CMTM1: variants seen among roughly 807,000 people sequenced by gnomAD.
The protein encoded by CMTM1 is CKLF-like MARVEL transmembrane domain-containing protein 1.
Under a neutral mutation model 17.8 loss-of-function variants are expected in CMTM1, and 16 were observed. The ratio of observed to expected loss-of-function variants is 0.90; its 90% CI spans 0.61 to 1.37. The LOEUF is 1.37. Among genes scored for constraint, CMTM1 ranks in the 40% most tolerant of loss-of-function variants. The pLI, the probability that CMTM1 is intolerant of heterozygous loss-of-function variation, is 0.00. For synonymous variants in CMTM1, 169 were observed against 154.6 expected (o/e 1.09, Z -0.69); for missense variants, 354 against 375.6 (o/e 0.94, Z 0.47).
intron 1 of CMTM1, among the ~76,000 whole-genome samples, chr16:66,568,665 T>A (rs1353971398): frequency 6.6e-6 from 1 of 152,126 alleles, no homozygotes; most frequent in African/African-American, 2.4e-5. Context: ...GGTAGGCAGA[T>A]AACCTCAGTC....
At chr16:66,567,271 T>C (rs1339207004) in intron 1 of CMTM1, 2 of 408,248 alleles carry the variant, frequency 4.9e-6, no homozygotes, top group African/African-American at 2.0e-5. Context: ...ACTCGTCACC[T>C]ACATTAGGTA....
intron 3 of CMTM1, among the ~76,000 whole-genome samples, chr16:66,578,471 T>C (rs2144690965): frequency 6.6e-6 from 1 of 152,268 alleles, no homozygotes; most frequent in South Asian, 2.1e-4. Context: ...AGGAACTCCT[T>C]CCTGCCCTTT....
rs767727556 is a variant in CMTM1, at chr16:66,566,953, G to C, written c.432+8G>C. 6.2e-6 allele frequency: 10 copies of C among 1,613,954 alleles called. No individual in the cohort carries two copies. In the South Asian group the frequency reaches 1.1e-4, roughly 18 times the overall value. On this transcript the variant is annotated splice_region_variant and intron_variant, in intron 1 of 3. Transcript: ENST00000379500. This position sits in a 1 kb window ranked among gnomAD's most constrained non-coding sequence, Gnocchi z 4.9. ...TTGAAGATCCTGAGACTGGTGAGCGGAGAGCTGGTGAGACCTAGCTGGGCG... is the reference window on the plus strand; with the variant it reads ...TTGAAGATCCTGAGACTGGTGAGCGCAGAGCTGGTGAGACCTAGCTGGGCG...
chr16:66,575,235 G>T lies in CMTM1; in HGVS notation c.592-1869G>T, dbSNP rs527621129. The T allele has an allele frequency of 1.1e-5, 11 of 984,750 alleles. No homozygotes were observed. The East Asian group carries it at 6.8e-4, about 61-fold the overall frequency. The allele number at this position is 984,750 out of a possible 1,614,324, so 61.0% of individuals were successfully genotyped here. On this transcript the variant is annotated intron_variant, in intron 2 of 3. Transcript: ENST00000379500. Reference sequence around the variant, plus strand: ...ACTATCTGTTAACATTTTGAGGGCAGATATGAACCTACATTTTGATGCACT... The same window carrying T: ...ACTATCTGTTAACATTTTGAGGGCATATATGAACCTACATTTTGATGCACT...
chr16:66,577,000 G>C lies in CMTM1; in HGVS notation c.592-104G>C. On this transcript the variant is annotated intron_variant, in intron 2 of 3. Transcript: ENST00000379500. ...TCCTCCTCATCTTAATCAAATGGAA[G>C]GTTTTTTAAAGGCATCTATTCTTAG... 3 of 961,990 alleles carry C rather than the reference G, an allele frequency of 3.1e-6. No homozygotes were observed. In the South Asian group the frequency reaches 5.4e-5, roughly 17 times the overall value. The allele number at this position is 961,990 out of a possible 1,614,324, so 59.6% of individuals were successfully genotyped here.
At chr16:66,577,236 C>A (rs1465955965) in intron 3 of CMTM1, 34 bp downstream of exon 3, 1 of 1,563,814 alleles carries the variant, frequency 6.4e-7, no homozygotes, top group South Asian at 1.1e-5. Context: ...CATTTAAGAT[C>A]AGTATTCCAA....
At chr16:66,569,411 G>A (rs1351849403) in intron 1 of CMTM1, among the ~76,000 whole-genome samples, 1 of 152,222 alleles carries the variant, frequency 6.6e-6, no homozygotes, top group African/African-American at 2.4e-5. Flanking sequence ...ATAACTTAGA[G>A]TACTAGAGAA....
intron 1 of CMTM1, 58 bp from the exon 2 acceptor site, chr16:66,569,878 G>T: frequency 7.6e-7 from 1 of 1,312,104 alleles, no homozygotes; most frequent in South Asian, 1.4e-5. Flanking sequence ...TTTACATTCT[G>T]ACAATGTAGA....
intron 3 of CMTM1, among the ~76,000 whole-genome samples, chr16:66,577,729 G>C (rs1308156007): frequency 1.3e-5 from 2 of 152,212 alleles, no homozygotes; most frequent in African/African-American, 4.8e-5. Context: ...CATTTGTACA[G>C]ATATAGGAAC....
At chr16:66,568,703 T>C (rs1367848957) in intron 1 of CMTM1, among the ~76,000 whole-genome samples, 1 of 152,078 alleles carries the variant, frequency 6.6e-6, no homozygotes, top group Admixed American at 6.5e-5. Flanking sequence ...CTGGCCAATA[T>C]GGTGAAACCC....
rs2144575486 is a variant in CMTM1 at position 66,566,446 on chromosome 16, T to C, written c.-68T>C. ...GCCAACAGCCGTTGGGACGCGACGCTGGTTCCCAGGGGAGAGCCAGCCGCT... is the reference window on the plus strand; with the variant it reads ...GCCAACAGCCGTTGGGACGCGACGCCGGTTCCCAGGGGAGAGCCAGCCGCT... On this transcript the variant is annotated 5_prime_UTR_variant, in exon 1 of 4. Coordinates refer to ENST00000379500, the MANE Select transcript of CMTM1 (RefSeq NM_052999.4). This position sits in a 1 kb window ranked among gnomAD's most constrained non-coding sequence, Gnocchi z 4.9. 2 of 1,491,382 alleles carry C rather than the reference T, an allele frequency of 1.3e-6. No individual in the cohort carries two copies. The highest frequency in any genetic ancestry group is 1.8e-6 in the Non-Finnish European group (2 of 1,121,550). The allele number at this position is 1,491,382 out of a possible 1,614,324, so 92.4% of individuals were successfully genotyped here.
intron 2 of CMTM1, 68 bp from the exon 3 acceptor site, chr16:66,577,036 G>T: frequency 7.0e-7 from 1 of 1,421,576 alleles, no homozygotes; most frequent in South Asian, 1.2e-5. Context: ...ATGTGTAATT[G>T]ACCAGTTTAA....
Position 66,566,623 on chromosome 16 carries a change from T to C in CMTM1, c.110T>C (p.Val37Ala), listed in dbSNP as rs1045700615. The C allele has an allele frequency of 1.9e-5, 30 of 1,613,926 alleles. No homozygotes were observed. The highest frequency in any genetic ancestry group is 2.5e-5 in the Non-Finnish European group (30 of 1,180,006). The stretch of plus-strand genomic sequence containing the variant: ...AGTAGCGGCAGCGTAGTGAGTTCTG[T>C]ACCCAAGGCACAGCGCAACATCTCA... ...LASSGSVVSS[V>A]PKAQRNISAK... Residue 37 changes from valine (V) to alanine (A), a missense_variant, in exon 1 of 4, where the codon GTA becomes GCA. Val to Ala is a moderately conservative substitution (Grantham distance 64). Coordinates refer to ENST00000379500, the MANE Select transcript of CMTM1 (RefSeq NM_052999.4). The surrounding 1 kb of genome is among the most constrained non-coding windows in gnomAD (Gnocchi z 4.9).
intron 1 of CMTM1, among the ~76,000 whole-genome samples, chr16:66,569,563 C>T (rs1325677442): frequency 1.3e-5 from 2 of 152,192 alleles, no homozygotes; most frequent in Non-Finnish European, 2.9e-5. Flanking sequence ...TAATCAGCAG[C>T]TGTTTGGAAA....
At position 66,566,594 on chromosome 16, in the gene CMTM1, G is replaced by A; in HGVS notation, c.81G>A (p.Leu27=). The A allele has an allele frequency of 1.2e-6, 2 of 1,614,038 alleles. No homozygotes were observed. The highest frequency in any genetic ancestry group is 2.7e-5 in the African/African-American group (2 of 75,010). The stretch of plus-strand genomic sequence containing the variant: ...AACAACCGGAGACTGCCGCAGCCCT[G>A]GCAAGTAGCGGCAGCGTAGTGAGTT... ...NLKQPETAAA[L]ASSGSVVSSV... The change falls in exon 1 of 4, where the codon CTG becomes CTA. Residue 27 remains leucine, a synonymous_variant. Coordinates refer to ENST00000379500, the MANE Select transcript of CMTM1 (RefSeq NM_052999.4). The surrounding 1 kb of genome is among the most constrained non-coding windows in gnomAD (Gnocchi z 4.9).
In CMTM1 at chr16:66,579,133, G is replaced by C. The variant is rs2014641072; in HGVS notation, c.*132G>C. ...AAATTAGGGCTGCTGCTTTTATCGAGAACACCTGCTTCCTCTCGTTGCCTT... is the reference window on the plus strand; with the variant it reads ...AAATTAGGGCTGCTGCTTTTATCGACAACACCTGCTTCCTCTCGTTGCCTT... On this transcript the variant is annotated 3_prime_UTR_variant, in exon 4 of 4. Coordinates refer to ENST00000379500, the MANE Select transcript of CMTM1 (RefSeq NM_052999.4). The surrounding 1 kb of genome is among the most constrained non-coding windows in gnomAD (Gnocchi z 6.5). 8.2e-7 allele frequency: 1 copy of C among 1,222,020 alleles called. No individual in the cohort carries two copies. The allele number at this position is 1,222,020 out of a possible 1,614,324, so 75.7% of individuals were successfully genotyped here.
chr16:66,574,044 A>G (rs1304487987), intron 2 of CMTM1, among the ~76,000 whole-genome samples: 1 of 151,376 alleles, frequency 6.6e-6, no homozygotes, highest in Admixed American at 6.6e-5. Flanking sequence ...AGCACTCACC[A>G]TTAAGGCATC....
chr16:66,578,847 C>T lies in CMTM1; in HGVS notation c.707C>T (p.Ala236Val), dbSNP rs762146712. Residue 236 changes from alanine (A) to valine (V), a missense_variant, in exon 4 of 4, where the codon GCG becomes GTG. By Grantham distance (64) the Ala-to-Val change is moderately conservative. Coordinates refer to ENST00000379500, the MANE Select transcript of CMTM1 (RefSeq NM_052999.4). ...ATCTGACAGTCCCTGTGTCTCACAG[C>T]GGTAATCGTGTGTTGCATCGATGCG... ...LYVGGSLCLT[A>V]VIVCCIDAFV... The T allele has an allele frequency of 2.1e-5, 34 of 1,613,994 alleles. No homozygotes were observed. The highest frequency in any genetic ancestry group is 2.6e-5 in the Non-Finnish European group (31 of 1,180,006).
At chr16:66,569,287 A>G (rs979353215) in intron 1 of CMTM1, among the ~76,000 whole-genome samples, 1 of 152,248 alleles carries the variant, frequency 6.6e-6, no homozygotes, top group African/African-American at 2.4e-5. Context: ...AAATGCCAAC[A>G]GGCTTAGTCT....
Sources: gnomAD v4.1 joint callset for allele counts (sites outside exome capture counted in the v4.1 genomes callset) on GRCh38, gnomAD v4.1.1 for gene constraint, Gnocchi (gnomAD v3.1) non-coding constraint, MANE v1.5 for transcripts, NCBI Gene and HGNC (gene_info 2026-07-23, HGNC 2026-07-21) for gene names.